Variants in PRKAG3 observed in about 807,000 individuals in gnomAD.
PRKAG3 encodes 5'-AMP-activated protein kinase subunit gamma-3.
A neutral mutation model predicts 56.5 loss-of-function variants in PRKAG3; 39 were observed. The ratio of observed to expected loss-of-function variants is 0.69; its 90% CI spans 0.53 to 0.90. The LOEUF is 0.90. Among genes scored for constraint, PRKAG3 ranks in the 40% least tolerant of loss-of-function variants. The pLI, the probability that PRKAG3 is intolerant of heterozygous loss-of-function variation, is 0.00. For synonymous variants in PRKAG3, 243 were observed against 250.1 expected (o/e 0.97, Z 0.27); for missense variants, 628 against 627.5 (o/e 1.00, Z -0.01).
Position 218,823,884 on chromosome 2 carries a change from G to T in PRKAG3, c.1354-6C>A. Reference sequence around the variant, plus strand: ...ACTAGCACCAGCCTGTGTACCTGTGGGTCCGCAATGTTCAGTGAGGGGGCA... The same window carrying T: ...ACTAGCACCAGCCTGTGTACCTGTGTGTCCGCAATGTTCAGTGAGGGGGCA... On this transcript the variant is annotated splice_region_variant and splice_polypyrimidine_tract_variant and intron_variant, in intron 12 of 12. Coordinates refer to ENST00000529249, the Ensembl canonical transcript of PRKAG3. 6.2e-7 allele frequency: 1 copy of T among 1,613,356 alleles called. No homozygotes were observed. Among genetic ancestry groups the T allele is most frequent in the Non-Finnish European group, 8.5e-7 (1 of 1,179,442 alleles).
intron 11 of PRKAG3, 41 bp from the exon 12 acceptor site, chr2:218,824,409 G>A (rs1046276249): frequency 6.2e-7 from 1 of 1,613,934 alleles, no homozygotes; most frequent in East Asian, 2.2e-5. Flanking sequence ...TCACCCCCTT[G>A]CCTGGGCTCC....
At position 218,824,303 on chromosome 2, in the gene PRKAG3, C is replaced by T. The variant is rs149333214; in HGVS notation, c.1272G>A (p.Arg424=). The T allele has an allele frequency of 1.2e-4, 201 of 1,614,162 alleles. 2 individuals are homozygous for T. Among genetic ancestry groups the T allele is most frequent in the South Asian group, 3.8e-4 (35 of 91,082 alleles). Residue 424 remains arginine, a synonymous_variant, in exon 12 of 13, where the codon AGG becomes AGA. Transcript: ENST00000529249. ...AAAGGACTCCCTCCAGACATAGTGT[C>T]CTCTGCCTCAGGGCTTCTCCCACAC...
At chr2:218,824,230 G>T (rs773973238) in exon 12 of PRKAG3, 1 of 1,614,050 alleles carries the variant, frequency 6.2e-7, no homozygotes, top group Admixed American at 1.7e-5. Context: ...ACCTGCTCCC[G>T]AGCAATCCTG....
chr2:218,824,143 T>C lies in PRKAG3; in HGVS notation c.1353+79A>G. On this transcript the variant is annotated intron_variant, in intron 12 of 12. Coordinates refer to ENST00000529249, the Ensembl canonical transcript of PRKAG3. ...ATGGAAGGATAGGCCAGGTGCCCGA[T>C]GTTCAGGGATGGCTGGAGCCGTGCA... is the stretch of plus-strand genomic sequence containing the variant. The C allele has an allele frequency of 2.5e-6, 4 of 1,606,552 alleles. No individual in the cohort carries two copies. In the South Asian group the frequency reaches 4.4e-5, roughly 18 times the overall value.
chr2:218,825,763 CTTTTT>C (rs575179216), intron 10 of PRKAG3, among the ~76,000 whole-genome samples: 1 of 134,932 alleles, frequency 7.4e-6, no homozygotes, highest in African/African-American at 2.7e-5. Flanking sequence ...ATAAAATGCA[CTTTTT>C]TTTTTTTTTT....
downstream of PRKAG3, chr2:218,823,048 C>A: frequency 1.0e-6 from 1 of 976,626 alleles, no homozygotes; most frequent in Non-Finnish European, 1.2e-6. Context: ...ACAGGTAGGG[C>A]AAGGGCAATT....
Position 218,827,252 on chromosome 2 carries a change from T to C in PRKAG3, c.997A>G (p.Ile333Val). Reference sequence around the variant, plus strand: ...CCACCTGGGCCCAGGCTTACAAAGATGTGCAGGAACTTGAGCAGGCGTTTG... The same window carrying C: ...CCACCTGGGCCCAGGCTTACAAAGACGTGCAGGAACTTGAGCAGGCGTTTG... The change falls in exon 9 of 13, where the codon ATC (isoleucine) becomes GTC (valine). Residue 333 changes from isoleucine (I) to valine (V), a missense_variant. Transcript: ENST00000529249. This position sits in a 1 kb window ranked among gnomAD's most constrained non-coding sequence, Gnocchi z 5.3. The C allele has an allele frequency of 1.2e-6, 2 of 1,614,114 alleles. No homozygotes were observed. Among genetic ancestry groups the C allele is most frequent in the East Asian group, 2.2e-5 (1 of 44,864 alleles).
chr2:218,830,975 CT>C (rs1294670141), intron 2 of PRKAG3, 74 bp from the exon 3 acceptor site: 1 of 1,539,000 alleles, frequency 6.5e-7, no homozygotes, highest in Non-Finnish European at 9.0e-7. Context: ...TATTCATAAT[CT>C]TTAGGATTTG....
At position 218,823,840 on chromosome 2, in the gene PRKAG3, G is replaced by A. The variant is rs1400206271; in HGVS notation, c.1392C>T (p.Leu464=). The A allele has an allele frequency of 5.6e-6, 9 of 1,614,042 alleles. No homozygotes were observed. In the Admixed American group the frequency reaches 1.0e-4, roughly 18 times the overall value. ...TGTCGGAGAGGGAGACCACGCCCAA[G>A]AGATGCTGGGTCTCGTCCACTAGCA... is the stretch of plus-strand genomic sequence containing the variant. Residue 464 remains leucine, a synonymous_variant, in exon 13 of 13, where the codon CTC becomes CTT. Coordinates refer to ENST00000529249, the Ensembl canonical transcript of PRKAG3.
At position 218,831,383 on chromosome 2, in the gene PRKAG3, G is replaced by A. The variant is rs1944017409; in HGVS notation, c.34-8C>T. 1.3e-6 allele frequency: 2 copies of A among 1,598,656 alleles called. No homozygotes were observed. The highest frequency in any genetic ancestry group is 2.7e-5 in the African/African-American group (2 of 74,780). Reference sequence around the variant, plus strand: ...GCTGCTCCAGGAAGGGGTCTGTGGGGAGAAGAGTTTCTGAAGGAGTGGGGA... The same window carrying A: ...GCTGCTCCAGGAAGGGGTCTGTGGGAAGAAGAGTTTCTGAAGGAGTGGGGA... On this transcript the variant is annotated splice_polypyrimidine_tract_variant and splice_region_variant and intron_variant, in intron 1 of 12. Transcript: ENST00000529249.
chr2:218,830,892 A>G lies in PRKAG3; in HGVS notation c.83T>C (p.Phe28Ser), dbSNP rs375346352. ...TGAGCTGCTGTTTTCTTGCTCTAGGAAGCTCATCTCTGGAAGGGGAATGGG... is the reference window on the plus strand; with the variant it reads ...TGAGCTGCTGTTTTCTTGCTCTAGGGAGCTCATCTCTGGAAGGGGAATGGG... The change falls in exon 3 of 13, where the codon TTC becomes TCC. Residue 28 changes from phenylalanine to serine, a missense_variant. Phe to Ser is a radical substitution (Grantham distance 155, BLOSUM62 -2). Coordinates refer to ENST00000529249, the Ensembl canonical transcript of PRKAG3. 2 of 1,613,584 alleles carry G rather than the reference A, an allele frequency of 1.2e-6. No individual in the cohort carries two copies. Among genetic ancestry groups the G allele is most frequent in the African/African-American group, 2.7e-5 (2 of 74,882 alleles).
At chr2:218,831,654 A>T in intron 1 of PRKAG3, 84 bp downstream of exon 1, 1 of 1,513,506 alleles carries the variant, frequency 6.6e-7, no homozygotes. Flanking sequence ...GAAGACACAC[A>T]CGCCCACACA....
chr2:218,822,331 G>A (rs1943859057), downstream of PRKAG3: 1 of 152,154 alleles, frequency 6.6e-6, no homozygotes, highest in East Asian at 1.9e-4. Flanking sequence ...TTTTCTTTAT[G>A]ATTTTGTAAA....
chr2:218,822,897 G>A (rs1438541020), downstream of PRKAG3: 2 of 985,434 alleles, frequency 2.0e-6, no homozygotes, highest in Non-Finnish European at 2.4e-6. Flanking sequence ...AGGCGGCAAG[G>A]GGATGGGCGG....
At chr2:218,831,752 G>T in exon 1 of PRKAG3, 1 of 1,610,680 alleles carries the variant, frequency 6.2e-7, no homozygotes, top group Non-Finnish European at 8.5e-7. Flanking sequence ...CGCAGTGCGT[G>T]CTCCAGCCCG....
At chr2:218,830,466 G>A in intron 3 of PRKAG3, 85 bp from the exon 4 acceptor site, 2 of 1,493,294 alleles carry the variant, frequency 1.3e-6, no homozygotes, top group Non-Finnish European at 1.8e-6. Flanking sequence ...TCTCACAGCA[G>A]CAGTGGGAAG....
At chr2:218,829,223 CATTT>C (rs1223649759) in intron 4 of PRKAG3, among the ~76,000 whole-genome samples, 1 of 152,056 alleles carries the variant, frequency 6.6e-6, no homozygotes, top group Non-Finnish European at 1.5e-5. Flanking sequence ...AGATTATAGA[CATTT>C]ATAGCTAAGC....
Position 218,826,924 on chromosome 2 carries a change from G to T in PRKAG3, c.1168+4C>A. The T allele has an allele frequency of 1.2e-6, 2 of 1,614,008 alleles. No individual in the cohort carries two copies. The highest frequency in any genetic ancestry group is 1.7e-6 in the Non-Finnish European group (2 of 1,180,028). On this transcript the variant is annotated splice_donor_region_variant and intron_variant, in intron 10 of 12. Transcript: ENST00000529249. ...CCCGAGCCTCTCATCCTGGGGGTGG[G>T]TACCACATTCGTTGACCACAGGCAG... is the stretch of plus-strand genomic sequence containing the variant.
downstream of PRKAG3, chr2:218,823,025 G>C (rs1943877285): frequency 1.0e-6 from 1 of 984,502 alleles, no homozygotes; most frequent in Non-Finnish European, 1.2e-6. Context: ...CATGCCCGAG[G>C]GCTTCTGGGA....
Sources: gnomAD v4.1 joint callset for allele counts (sites outside exome capture counted in the v4.1 genomes callset) on GRCh38, gnomAD v4.1.1 for gene constraint, Gnocchi (gnomAD v3.1) non-coding constraint, MANE v1.5 for transcripts, NCBI Gene and HGNC (gene_info 2026-07-23, HGNC 2026-07-21) for gene names.